Variants in STUM observed in about 807,000 individuals in gnomAD.
The protein encoded by STUM is stum, mechanosensory transduction mediator homolog.
Under a neutral mutation model 15.3 loss-of-function variants are expected in STUM, and 8 were observed. The observed-to-expected ratio is 0.52, with a 90% confidence interval of 0.31 to 0.94. STUM has a LOEUF of 0.94. Ranked by LOEUF, STUM falls within the 40% of genes least tolerant of loss-of-function variation. The probability of loss-of-function intolerance (pLI) is 0.05; values close to 1 mark genes in which losing one functional copy is unlikely to be tolerated. For missense variants in STUM, 142 were observed against 204.9 expected, an observed-to-expected ratio of 0.69 and a Z score of 1.87; for synonymous variants, 78 against 88.7, an observed-to-expected ratio of 0.88 and a Z score of 0.68.
chr1:226,598,931 C>G (rs1407662142), intron 2 of STUM, among the ~76,000 whole-genome samples: 1 of 152,244 alleles, frequency 6.6e-6, no homozygotes, highest in Non-Finnish European at 1.5e-5. Flanking sequence ...AATGCACTTA[C>G]AGTTCTACAT....
Position 226,596,823 on chromosome 1 carries a change from C to T in STUM, c.224C>T (p.Thr75Ile), listed in dbSNP as rs761880064. ...PGLGTFVSAFTVLCGARTDLP... is the reference protein window; with the variant it reads ...PGLGTFVSAFIVLCGARTDLP... ...ACAGGGACATTCGTCTCGGCCTTCA[C>T]TGTGCTGTGCGGGGCCCGCACCGAC... The change falls in exon 2 of 4, where the codon ACT becomes ATT. Residue 75 changes from threonine (T) to isoleucine (I), a missense_variant. Physicochemically the swap from Thr to Ile is moderately conservative, Grantham distance 89. Around this residue, in one of 2 missense-constraint regions of STUM, gnomAD observed 113 missense variants for 134.4 expected, o/e 0.84. Transcript: ENST00000366788. The T allele has an allele frequency of 8.7e-6, 14 of 1,613,624 alleles. No homozygotes were observed. Among genetic ancestry groups the T allele is most frequent in the Non-Finnish European group, 1.2e-5 (14 of 1,179,652 alleles).
chr1:226,601,596 TTCC>T (rs1008562458), intron 3 of STUM, among the ~76,000 whole-genome samples: 12 of 152,170 alleles, frequency 7.9e-5, no homozygotes, highest in African/African-American at 2.9e-4. Flanking sequence ...GTATGCCATC[TTCC>T]TCCTTTCTTC....
At chr1:226,553,732 G>A (rs1000327298) in intron 1 of STUM, among the ~76,000 whole-genome samples, 2 of 152,230 alleles carry the variant, frequency 1.3e-5, no homozygotes, top group African/African-American at 2.4e-5. Context: ...AGTGGTGCAT[G>A]ATATGGACTG....
At chr1:226,563,986 G>A (rs1667581591) in intron 1 of STUM, among the ~76,000 whole-genome samples, 2 of 152,214 alleles carry the variant, frequency 1.3e-5, no homozygotes. Flanking sequence ...GTCAGGCTTG[G>A]CCAAAAGGCT....
chr1:226,568,545 T>A (rs543642382), intron 1 of STUM, among the ~76,000 whole-genome samples: 118 of 152,340 alleles, frequency 7.7e-4, no homozygotes, highest in Middle Eastern at 3.4e-3. Flanking sequence ...TTAATTTTTT[T>A]AAAAAAGTTT....
intron 1 of STUM, among the ~76,000 whole-genome samples, chr1:226,555,149 C>G (rs559296560): frequency 6.6e-5 from 10 of 152,340 alleles, no homozygotes; most frequent in Non-Finnish European, 1.3e-4. Context: ...TTGACAACCT[C>G]TAAACTTTAG....
At chr1:226,560,356 G>GT (rs1454425406) in intron 1 of STUM, among the ~76,000 whole-genome samples, 1 of 152,172 alleles carries the variant, frequency 6.6e-6, no homozygotes, top group African/African-American at 2.4e-5. Flanking sequence ...TGCCGTTGCT[G>GT]TCTCCAAGTT....
At position 226,565,349 on chromosome 1, in the gene STUM, G is replaced by C. The variant is rs1667604814; in HGVS notation, c.202+16243G>C. 6.6e-6 allele frequency among the ~76,000 whole-genome samples: 1 copy of C among 152,100 alleles called. No individual in the cohort carries two copies. The highest frequency in any genetic ancestry group is 1.5e-5 in the Non-Finnish European group (1 of 68,024). Reference sequence around the variant, plus strand: ...GAAGACCCTGGGGGTGGGAGCCTTTGCTTCCTGCTGGGACCCCCTGGTCAC... The same window carrying C: ...GAAGACCCTGGGGGTGGGAGCCTTTCCTTCCTGCTGGGACCCCCTGGTCAC... On this transcript the variant is annotated intron_variant, in intron 1 of 3. Coordinates refer to ENST00000366788, the MANE Select transcript of STUM (RefSeq NM_001003665.4). This position sits in a 1 kb window ranked among gnomAD's most constrained non-coding sequence, Gnocchi z 4.4.
chr1:226,579,312 G>C (rs1457028020), intron 1 of STUM, among the ~76,000 whole-genome samples: 1 of 152,242 alleles, frequency 6.6e-6, no homozygotes, highest in Non-Finnish European at 1.5e-5. Context: ...AGTCCATCAC[G>C]ATAAGGGATG....
chr1:226,552,736 GCTT>G lies in STUM; in HGVS notation c.202+3636_202+3638del, dbSNP rs1175006411. 6.6e-6 allele frequency among the ~76,000 whole-genome samples: 1 copy of G among 152,146 alleles called. No homozygotes were observed. The highest frequency in any genetic ancestry group is 6.5e-5 in the Admixed American group (1 of 15,270). On this transcript the variant is annotated intron_variant, in intron 1 of 3. Coordinates refer to ENST00000366788, the MANE Select transcript of STUM (RefSeq NM_001003665.4). The surrounding 1 kb of genome is among the most constrained non-coding windows in gnomAD (Gnocchi z 4.7). ...AATAAAAGCACCACAGGCTGGCTCTGCTTCTTCTCTCTCTCTTTCCTCTAGACC... is the reference window on the plus strand; with the variant it reads ...AATAAAAGCACCACAGGCTGGCTCTGCTTCTCTCTCTCTTTCCTCTAGACC...
At chr1:226,578,227 T>C (rs536016615) in intron 1 of STUM, among the ~76,000 whole-genome samples, 2 of 152,258 alleles carry the variant, frequency 1.3e-5, no homozygotes, top group South Asian at 4.1e-4. Context: ...ATTTTTTCTT[T>C]ATTTTTAATT....
rs562093580 is a variant in STUM at position 226,591,661 on chromosome 1, G to T, written c.203-5141G>T. Among the ~76,000 whole-genome samples the T allele has an allele frequency of 2.3e-4, 35 of 152,164 alleles. 1 individual carries two copies. Among genetic ancestry groups the T allele is most frequent in the African/African-American group, 8.4e-4 (35 of 41,512 alleles). On this transcript the variant is annotated intron_variant, in intron 1 of 3. Coordinates refer to ENST00000366788, the MANE Select transcript of STUM (RefSeq NM_001003665.4). ...GATTTCATCTTTTGGCCAGAGATAG[G>T]CTTGACGACCTTCTGACTCTAAGAA...
chr1:226,558,496 A>G (rs1277855711), intron 1 of STUM, among the ~76,000 whole-genome samples: 3 of 152,124 alleles, frequency 2.0e-5, no homozygotes, highest in Non-Finnish European at 2.9e-5. Flanking sequence ...CCCACACGTG[A>G]CGTGCTGGCT....
At chr1:226,577,137 T>C (rs1667829555) in intron 1 of STUM, among the ~76,000 whole-genome samples, 1 of 152,172 alleles carries the variant, frequency 6.6e-6, no homozygotes, top group Admixed American at 6.5e-5. Flanking sequence ...AGGTAGGAAG[T>C]GGCAGAGCTG....
intron 1 of STUM, among the ~76,000 whole-genome samples, chr1:226,589,172 G>A (rs1668045139): frequency 6.6e-6 from 1 of 152,188 alleles, no homozygotes; most frequent in South Asian, 2.1e-4. Context: ...TCCAGACCCA[G>A]CACCTCCCAA....
Position 226,597,302 on chromosome 1 carries a change from A to T in STUM, c.382+321A>T, listed in dbSNP as rs1384949142. The T allele has an allele frequency of 1.3e-5, 7 of 538,694 alleles. No individual in the cohort carries two copies. In the Admixed American group the frequency reaches 1.6e-4, roughly 12 times the overall value. 33.4% of individuals were successfully genotyped at this position (538,694 alleles called of 1,614,324 possible). ...AAATCAAGTTTACCAAAGACAACTC[A>T]GTTACCCTTTCTAAAATAACCTAGC... On this transcript the variant is annotated intron_variant, in intron 2 of 3. Coordinates refer to ENST00000366788, the MANE Select transcript of STUM (RefSeq NM_001003665.4).
At position 226,602,954 on chromosome 1, in the gene STUM, G is replaced by C. The variant is rs1484961704; in HGVS notation, c.*914G>C. ...TTTATCGTACACTTTCTAACTTCCC[G>C]GCAGAGTGTGGAACATCTCGCCTAC... On this transcript the variant is annotated 3_prime_UTR_variant, in exon 4 of 4. Transcript: ENST00000366788. 1 of 152,122 alleles carries C rather than the reference G, an allele frequency of 6.6e-6. No homozygotes were observed. Among genetic ancestry groups the C allele is most frequent in the Non-Finnish European group, 1.5e-5 (1 of 68,032 alleles). 9.4% of individuals were successfully genotyped at this position (152,122 alleles called of 1,614,324 possible). A position where few individuals can be genotyped will look rare whatever the true frequency, so the allele number is the denominator to read the frequency against.
chr1:226,551,151 G>A (rs1194971595), intron 1 of STUM, among the ~76,000 whole-genome samples: 24 of 152,048 alleles, frequency 1.6e-4, no homozygotes, highest in Admixed American at 1.6e-3. Flanking sequence ...TCTCCACACG[G>A]AATGAGGGAT....
rs1668275705 is a variant in STUM at position 226,601,981 on chromosome 1, T to C, written c.392-25T>C. The C allele has an allele frequency of 3.7e-6, 6 of 1,608,728 alleles. No individual in the cohort carries two copies. In the South Asian group the frequency reaches 5.5e-5, roughly 15 times the overall value. On this transcript the variant is annotated intron_variant, in intron 3 of 3. Transcript: ENST00000366788. ...CCTGAAGTAAGCAGGTGTCTAACCA[T>C]CTCTCCTTTGCTTCTTCCTCACAGG...
Sources: allele counts gnomAD v4.1 joint callset (sites outside exome capture counted in the v4.1 genomes callset), GRCh38; gene constraint gnomAD v4.1.1; regional missense constraint gnomAD v4.1.1; non-coding constraint Gnocchi (gnomAD v3.1); transcripts MANE v1.5; gene names NCBI Gene and HGNC (gene_info 2026-07-23, HGNC 2026-07-21).